The following GAB1 variants were observed in gnomAD, a reference collection of about 807,000 sequenced individuals.
GAB1 encodes the protein GRB2-associated-binding protein 1.
GAB1 carries 19 observed loss-of-function variants against 66.5 expected under a neutral mutation model. The ratio of observed to expected loss-of-function variants is 0.29; its 90% confidence interval spans 0.20 to 0.42. The LOEUF (loss-of-function observed/expected upper bound fraction) is 0.42, where lower values mean the gene tolerates loss of function less well. Among genes scored for constraint, GAB1 ranks in the 10% least tolerant of loss-of-function variants. The probability of loss-of-function intolerance (pLI) is 1.00; values close to 1 mark genes in which losing one functional copy is unlikely to be tolerated. For synonymous variants in GAB1, 294 were observed against 301.4 expected (o/e 0.98, Z 0.25); for missense variants, 732 against 858.5 (o/e 0.85, Z 1.84).
At chr4:143,395,533 A>G (rs1455668700) in intron 1 of GAB1, 2 of 196,736 alleles carry the variant, frequency 1.0e-5, no homozygotes, top group African/African-American at 4.8e-5. Flanking sequence ...CACAAAATCC[A>G]TGTTTTCGTG....
intron 1 of GAB1, chr4:143,349,769 T>A (rs955210824): frequency 7.9e-5 from 126 of 1,591,214 alleles, no homozygotes; most frequent in Non-Finnish European, 1.4e-5. Flanking sequence ...TAGTCCCCGA[T>A]AGCAACGAAT....
At chr4:143,444,904 C>T (rs573982602) in intron 6 of GAB1, among the ~76,000 whole-genome samples, 145 of 152,248 alleles carry the variant, frequency 9.5e-4, no homozygotes, top group Middle Eastern at 3.4e-3. Context: ...TGGCCTCCAC[C>T]TGCATCTGTG....
At chr4:143,445,366 A>C (rs537020974) in intron 6 of GAB1, among the ~76,000 whole-genome samples, 1 of 152,096 alleles carries the variant, frequency 6.6e-6, no homozygotes, top group African/African-American at 2.4e-5. Context: ...TTTTTCATAC[A>C]TTTGTTGGCC....
At chr4:143,423,836 A>ATG (rs1733177973) in intron 2 of GAB1, among the ~76,000 whole-genome samples, 1 of 112,306 alleles carries the variant, frequency 8.9e-6, no homozygotes, top group East Asian at 2.7e-4. Flanking sequence ...ATATATATAT[A>ATG]TGTCTTCACG....
chr4:143,395,969 A>G, intron 1 of GAB1: 1 of 455,874 alleles, frequency 2.2e-6, no homozygotes, highest in Non-Finnish European at 4.4e-6. Flanking sequence ...TTCCTGTTGA[A>G]GGAGAGGGCA....
chr4:143,428,732 A>G (rs1229080213), intron 2 of GAB1, among the ~76,000 whole-genome samples: 1 of 151,580 alleles, frequency 6.6e-6, no homozygotes, highest in Non-Finnish European at 1.5e-5. Flanking sequence ...GTTTTGAAAC[A>G]TTTCTCTCTC....
chr4:143,392,789 C>T (rs1731245351), intron 1 of GAB1, among the ~76,000 whole-genome samples: 1 of 152,100 alleles, frequency 6.6e-6, no homozygotes, highest in South Asian at 2.1e-4. Context: ...TGTTACTATA[C>T]ATCAGTTTCA....
intron 1 of GAB1, among the ~76,000 whole-genome samples, chr4:143,340,406 C>A (rs1372872998): frequency 6.6e-6 from 1 of 152,138 alleles, no homozygotes; most frequent in Non-Finnish European, 1.5e-5. Flanking sequence ...GCCCATGGGA[C>A]TTTGACAGTT....
At chr4:143,421,886 A>G (rs1448249156) in intron 2 of GAB1, among the ~76,000 whole-genome samples, 1 of 151,930 alleles carries the variant, frequency 6.6e-6, no homozygotes, top group African/African-American at 2.4e-5. Context: ...AAAGTCTCCA[A>G]GAATATTTCA....
intron 1 of GAB1, among the ~76,000 whole-genome samples, chr4:143,392,543 A>T (rs1159492978): frequency 6.6e-6 from 1 of 152,158 alleles, no homozygotes; most frequent in East Asian, 1.9e-4. Context: ...AGAGGGTGGT[A>T]AGTGGTGGTG....
chr4:143,348,990 A>G (rs1729082458), intron 1 of GAB1, among the ~76,000 whole-genome samples: 1 of 152,200 alleles, frequency 6.6e-6, no homozygotes, highest in African/African-American at 2.4e-5. Context: ...ATGTACACAC[A>G]GACATACTGT....
chr4:143,452,932 G>A (rs548312620), intron 6 of GAB1, among the ~76,000 whole-genome samples: 1 of 152,264 alleles, frequency 6.6e-6, no homozygotes, highest in South Asian at 2.1e-4. Context: ...GTATTCTTAT[G>A]TCTTATTATC....
intron 1 of GAB1, among the ~76,000 whole-genome samples, chr4:143,380,298 T>A (rs1730604445): frequency 6.6e-6 from 1 of 152,148 alleles, no homozygotes; most frequent in South Asian, 2.1e-4. Flanking sequence ...TTTCAAGATA[T>A]TCTTAGCCAA....
intron 1 of GAB1, among the ~76,000 whole-genome samples, chr4:143,411,329 A>G (rs1259520536): frequency 6.6e-6 from 1 of 152,190 alleles, no homozygotes; most frequent in Non-Finnish European, 1.5e-5. Context: ...GTTCAACTCA[A>G]AATTGGAGTG....
chr4:143,404,045 C>G (rs1036190556), intron 1 of GAB1, among the ~76,000 whole-genome samples: 2 of 152,102 alleles, frequency 1.3e-5, no homozygotes, highest in Non-Finnish European at 2.9e-5. Flanking sequence ...AAACAGTGAT[C>G]CAAATCTTAA....
chr4:143,459,594 C>T, intron 7 of GAB1, 116 bp downstream of exon 7: 1 of 710,168 alleles, frequency 1.4e-6, no homozygotes, highest in Non-Finnish European at 2.5e-6. Context: ...TGAAGAGCCC[C>T]CTTTTTGGGG....
chr4:143,342,607 ATGGCATGATCT>A (rs1728861090), intron 1 of GAB1, among the ~76,000 whole-genome samples: 1 of 129,202 alleles, frequency 7.7e-6, no homozygotes. Context: ...CTGGAGTACA[ATGGCATGATCT>A]TGGCTCATGG....
intron 1 of GAB1, among the ~76,000 whole-genome samples, chr4:143,371,703 A>G (rs1367759965): frequency 6.6e-6 from 1 of 152,170 alleles, no homozygotes. Context: ...TAAGTCTTTA[A>G]TCCATCTTGA....
Position 143,389,635 on chromosome 4 carries a change from T to G in GAB1, c.73-25842T>G, listed in dbSNP as rs1042703284. 6.0e-4 allele frequency among the ~76,000 whole-genome samples: 91 copies of G among 152,234 alleles called. 2 individuals are homozygous for G. The highest frequency in any genetic ancestry group is 1.6e-4 in the Non-Finnish European group (11 of 68,042). On this transcript the variant is annotated intron_variant, in intron 1 of 9. Coordinates refer to ENST00000262994, the MANE Select transcript of GAB1 (RefSeq NM_002039.4). ...TGGAATTTTTACTCAAGATAAAAAC[T>G]ATGACCATTGTGTGAACATTACTGC...
Sources: allele counts gnomAD v4.1 joint callset (sites outside exome capture counted in the v4.1 genomes callset), GRCh38; gene constraint gnomAD v4.1.1; transcripts MANE v1.5; gene names NCBI Gene and HGNC (gene_info 2026-07-23, HGNC 2026-07-21).